PTPRS: variants seen among roughly 807,000 people sequenced by gnomAD.
PTPRS encodes the protein protein tyrosine phosphatase receptor type S, also known as receptor-type tyrosine-protein phosphatase S.
A neutral mutation model predicts 215.3 loss-of-function variants in PTPRS; 63 were observed. The observed-to-expected ratio is 0.29, with a 90% CI of 0.24 to 0.36. PTPRS has a LOEUF of 0.36. Among genes scored for constraint, PTPRS ranks in the 10% least tolerant of loss-of-function variants. The pLI, the probability that PTPRS is intolerant of heterozygous loss-of-function variation, is 1.00. For synonymous variants in PTPRS, 1,404 were observed against 1,191.4 expected (o/e 1.18, Z -3.68); for missense variants, 2,258 against 2,825.8 (o/e 0.80, Z 4.56).
At chr19:5,330,843 C>G (rs539022348) in intron 1 of PTPRS, among the ~76,000 whole-genome samples, 1 of 152,048 alleles carries the variant, frequency 6.6e-6, no homozygotes, top group South Asian at 2.1e-4. Flanking sequence ...GGCAGCCTCT[C>G]TGCACCCTGC....
chr19:5,227,750 A>G (rs8100991), intron 16 of PTPRS, among the ~76,000 whole-genome samples: 1,990 of 152,180 alleles, frequency 0.013, 55 homozygotes, highest in African/African-American at 0.046. Context: ...CTCACTGAGT[A>G]TGACTGTTAG....
At position 5,221,395 on chromosome 19, in the gene PTPRS, CCCTGA is replaced by C; in HGVS notation, c.3202-147_3202-143del. 5.4e-6 allele frequency: 6 copies of C among 1,102,722 alleles called. No individual in the cohort carries two copies. In the South Asian group the frequency reaches 6.6e-5, roughly 12 times the overall value. 68.3% of individuals were successfully genotyped at this position (1,102,722 alleles called of 1,614,324 possible). A position where few individuals can be genotyped will look rare whatever the true frequency, so the allele number is the denominator to read the frequency against. ...AGGCAGAAATCTAACACTGACTGAT[CCCTGA>C]TCCCAGGCTGAGTCCCCAACTCTGA... On this transcript the variant is annotated intron_variant, in intron 19 of 37. Transcript: ENST00000262963.
At chr19:5,246,521 T>TG (rs564184776) in intron 9 of PTPRS, among the ~76,000 whole-genome samples, 18 of 152,290 alleles carry the variant, frequency 1.2e-4, no homozygotes, top group Admixed American at 4.6e-4. Flanking sequence ...CACTCCCGAA[T>TG]GGGGGCATCC....
At chr19:5,224,372 C>A (rs2042287708) in intron 17 of PTPRS, among the ~76,000 whole-genome samples, 1 of 152,170 alleles carries the variant, frequency 6.6e-6, no homozygotes, top group Non-Finnish European at 1.5e-5. Flanking sequence ...GAGAACCCCT[C>A]CTCCTTCCAT....
At chr19:5,214,775 G>C in intron 28 of PTPRS, 39 bp from the exon 29 acceptor site, 7 of 1,565,822 alleles carry the variant, frequency 4.5e-6, no homozygotes, top group Non-Finnish European at 6.1e-6. Flanking sequence ...TGTGGGGGCT[G>C]TCTTGCTAGT....
Position 5,329,658 on chromosome 19 carries a change from G to C in PTPRS, c.-95+11006C>G, listed in dbSNP as rs532834308. ...TGGGCGCCTGTAGTCCCAGCTATTG[G>C]GGAAGCTGAGGCAGGAGAATGGCGT... On this transcript the variant is annotated intron_variant, in intron 1 of 37. Transcript: ENST00000262963. Among the ~76,000 whole-genome samples the C allele has an allele frequency of 6.6e-5, 10 of 152,180 alleles. No individual in the cohort carries two copies. The South Asian group carries it at 2.1e-3, about 32-fold the overall frequency.
At chr19:5,229,198 A>C in intron 16 of PTPRS, 118 bp downstream of exon 16, 640 of 1,043,120 alleles carry the variant, frequency 6.1e-4, no homozygotes, top group Non-Finnish European at 7.4e-4. Context: ...GGCGCATGGG[A>C]GGGCCCAGAG....
At chr19:5,270,466 T>G (rs1368166661) in intron 4 of PTPRS, among the ~76,000 whole-genome samples, 1 of 152,002 alleles carries the variant, frequency 6.6e-6, no homozygotes, top group East Asian at 1.9e-4. Flanking sequence ...AAGTTTTACA[T>G]TTTTCTTTTT....
intron 9 of PTPRS, among the ~76,000 whole-genome samples, chr19:5,251,521 A>AC (rs931431915): frequency 1.1e-4 from 12 of 104,796 alleles, no homozygotes; most frequent in African/African-American, 4.4e-4. Flanking sequence ...TTCCCTCACC[A>AC]CCCCCCCAAC....
At chr19:5,310,938 G>A (rs2049682105) in intron 1 of PTPRS, among the ~76,000 whole-genome samples, 1 of 152,086 alleles carries the variant, frequency 6.6e-6, no homozygotes, top group Non-Finnish European at 1.5e-5. Flanking sequence ...AGACTGGCGT[G>A]CAGTGGCGTG....
intron 4 of PTPRS, among the ~76,000 whole-genome samples, chr19:5,265,834 G>A (rs1470123564): frequency 1.3e-5 from 2 of 152,016 alleles, no homozygotes; most frequent in Non-Finnish European, 2.9e-5. Context: ...GGGGCTGAGA[G>A]ATGCTCTACA....
At chr19:5,221,363 C>T (rs570974504) in intron 19 of PTPRS, 110 bp from the exon 20 acceptor site, 2 of 1,409,178 alleles carry the variant, frequency 1.4e-6, no homozygotes, top group South Asian at 2.8e-5. Flanking sequence ...CCACTGAATC[C>T]TGCCCTAGGC....
rs1266896605 is a variant in PTPRS at position 5,276,531 on chromosome 19, G to A, written c.92-2187C>T. On this transcript the variant is annotated intron_variant, in intron 2 of 37. Coordinates refer to ENST00000262963, the MANE Select transcript of PTPRS (RefSeq NM_002850.4). ...AGCCACTGCGCCTGGCCTGGAGTAC[G>A]TGTTTTTTTTTTGTTTTTGTTTTTT... 4.3e-4 allele frequency among the ~76,000 whole-genome samples: 8 copies of A among 18,812 alleles called. No homozygotes were observed. In the South Asian group the frequency reaches 5.6e-3, roughly 13 times the overall value. The allele number at this position is 18,812 out of a possible 152,430, so 12.3% of individuals were successfully genotyped here. A position where few individuals can be genotyped will look rare whatever the true frequency, so the allele number is the denominator to read the frequency against.
In PTPRS at chr19:5,216,778, C is replaced by G. The variant is rs758898985; in HGVS notation, c.4049-11G>C. On this transcript the variant is annotated splice_polypyrimidine_tract_variant and intron_variant, in intron 25 of 37. Transcript: ENST00000262963. ...TCCTGAGGCCTGAATCTGCAAACAGCAAACAATAAATAAATGAAAACATGC... is the reference window on the plus strand; with the variant it reads ...TCCTGAGGCCTGAATCTGCAAACAGGAAACAATAAATAAATGAAAACATGC... The G allele has an allele frequency of 6.5e-7, 1 of 1,548,352 alleles. No homozygotes were observed. The highest frequency in any genetic ancestry group is 1.2e-5 in the South Asian group (1 of 84,402).
intron 8 of PTPRS, among the ~76,000 whole-genome samples, chr19:5,256,939 T>TG (rs2045600204): frequency 6.6e-6 from 1 of 151,702 alleles, no homozygotes; most frequent in African/African-American, 2.4e-5. Context: ...GTACTTCGCA[T>TG]GGGGGAAACT....
intron 1 of PTPRS, among the ~76,000 whole-genome samples, chr19:5,327,967 G>A (rs2050214884): frequency 1.3e-5 from 2 of 152,070 alleles, no homozygotes; most frequent in African/African-American, 4.8e-5. Context: ...CAGACCCTTT[G>A]GGCCTCTCAC....
chr19:5,319,333 C>T (rs1326600064), intron 1 of PTPRS, among the ~76,000 whole-genome samples: 1 of 151,958 alleles, frequency 6.6e-6, no homozygotes, highest in African/African-American at 2.4e-5. Flanking sequence ...ATCACTTGAG[C>T]CCAGGAGGTG....
intron 1 of PTPRS, among the ~76,000 whole-genome samples, chr19:5,324,584 G>T (rs79924223): frequency 3.3e-5 from 5 of 152,288 alleles, no homozygotes; most frequent in African/African-American, 9.6e-5. Flanking sequence ...TGGGTTAAAG[G>T]GGGGAGGCCC....
intron 1 of PTPRS, among the ~76,000 whole-genome samples, chr19:5,301,647 T>A (rs950406018): frequency 6.6e-6 from 1 of 151,906 alleles, no homozygotes; most frequent in Admixed American, 6.6e-5. Context: ...GGCCACATCC[T>A]CTCTGCAAGA....
Sources: gnomAD v4.1 joint callset for allele counts (sites outside exome capture counted in the v4.1 genomes callset) on GRCh38, gnomAD v4.1.1 for gene constraint, MANE v1.5 for transcripts, NCBI Gene and HGNC (gene_info 2026-07-23, HGNC 2026-07-21) for gene names.